Variants in HAUS2 observed in about 807,000 individuals in gnomAD.
The protein encoded by HAUS2 is HAUS augmin-like complex subunit 2.
A neutral mutation model predicts 21.6 loss-of-function variants in HAUS2; 20 were observed. The ratio of observed to expected loss-of-function variants is 0.93; its 90% CI spans 0.65 to 1.35. The LOEUF is 1.35. Ranked by LOEUF, HAUS2 falls within the 40% of genes most tolerant of loss-of-function variation. HAUS2 has a pLI of 0.00. For missense variants in HAUS2, 297 were observed against 280.7 expected (o/e 1.06, Z -0.42); for synonymous variants, 113 against 95.6 (o/e 1.18, Z -1.06).
intron 3 of HAUS2, among the ~76,000 whole-genome samples, 188 bp from the exon 4 acceptor site, chr15:42,561,082 C>T (rs750064965): frequency 1.3e-5 from 2 of 152,028 alleles, no homozygotes; most frequent in Non-Finnish European, 2.9e-5. Flanking sequence ...ATTAGATATA[C>T]AAAAACCGAC....
Position 42,567,035 on chromosome 15 carries a change from AAT to A in HAUS2, c.*221_*222del, listed in dbSNP as rs1362914010. The A allele has an allele frequency of 2.5e-6, 1 of 402,682 alleles. No individual in the cohort carries two copies. The highest frequency in any genetic ancestry group is 4.5e-6 in the Non-Finnish European group (1 of 224,362). 24.9% of individuals were successfully genotyped at this position (402,682 alleles called of 1,614,324 possible). A position where few individuals can be genotyped will look rare whatever the true frequency, so the allele number is the denominator to read the frequency against. ...TTCAGTAAAACTAGAGAAGCTAAAAAATAGCCATGACAATTTATTAATATAAG... is the reference window on the plus strand; with the variant it reads ...TTCAGTAAAACTAGAGAAGCTAAAAAAGCCATGACAATTTATTAATATAAG... On this transcript the variant is annotated 3_prime_UTR_variant, in exon 6 of 6. Coordinates refer to ENST00000260372, the MANE Select transcript of HAUS2 (RefSeq NM_018097.3).
Position 42,558,283 on chromosome 15 carries a change from T to A in HAUS2, c.179T>A (p.Ile60Asn), listed in dbSNP as rs1373350132. The change falls in exon 2 of 6, where the codon ATC becomes AAC. Residue 60 changes from isoleucine (I) to asparagine (N), a missense_variant. By Grantham distance (149) the Ile-to-Asn change is moderately radical. Transcript: ENST00000260372. ...LQQITNIQAE[I>N]YQKNLEIELL... ...CAGATCACAAATATTCAAGCTGAAA[T>A]CTACCAGGTAAATCATTTTGTTTTC... 8.4e-7 allele frequency: 1 copy of A among 1,187,324 alleles called. No individual in the cohort carries two copies. The highest frequency in any genetic ancestry group is 1.2e-6 in the Non-Finnish European group (1 of 810,746). 73.5% of individuals were successfully genotyped at this position (1,187,324 alleles called of 1,614,324 possible).
chr15:42,565,886 T>C (rs1434076964), intron 5 of HAUS2, among the ~76,000 whole-genome samples: 1 of 151,934 alleles, frequency 6.6e-6, no homozygotes, highest in East Asian at 1.9e-4. Context: ...TGAAGGTGAG[T>C]AGTATCAAGT....
intron 5 of HAUS2, among the ~76,000 whole-genome samples, chr15:42,566,063 G>A (rs139652031): frequency 1.3e-5 from 2 of 152,114 alleles, no homozygotes; most frequent in East Asian, 1.9e-4. Context: ...TTAGCTGGGC[G>A]TGGTGGCACG....
chr15:42,557,050 C>T (rs1197448943), intron 1 of HAUS2, among the ~76,000 whole-genome samples: 2 of 150,902 alleles, frequency 1.3e-5, no homozygotes, highest in Non-Finnish European at 2.9e-5. Context: ...GTCGGTGGCT[C>T]ACGCCTGTAA....
At position 42,554,600 on chromosome 15, in the gene HAUS2, C is replaced by T. The variant is rs1388338466; in HGVS notation, c.94-3598C>T. Among the ~76,000 whole-genome samples, 3 of 151,312 alleles carry T rather than the reference C, an allele frequency of 2.0e-5. No homozygotes were observed. In the East Asian group the frequency reaches 5.8e-4, roughly 29 times the overall value. ...CAGCCTCCTGGGCTCAAGTGATTCTCCCATCTCAGCCTCCCTAGTAGCTGG... is the reference window on the plus strand; with the variant it reads ...CAGCCTCCTGGGCTCAAGTGATTCTTCCATCTCAGCCTCCCTAGTAGCTGG... On this transcript the variant is annotated intron_variant, in intron 1 of 5. Coordinates refer to ENST00000260372, the MANE Select transcript of HAUS2 (RefSeq NM_018097.3).
At chr15:42,556,542 C>T (rs935379758) in intron 1 of HAUS2, among the ~76,000 whole-genome samples, 5 of 151,830 alleles carry the variant, frequency 3.3e-5, no homozygotes, top group Admixed American at 6.6e-5. Context: ...GGATTACGGG[C>T]ATGAGCCACT....
chr15:42,569,237 G>T lies in HAUS2; in HGVS notation c.*2421G>T, dbSNP rs1027754987. 1 of 149,742 alleles carries T rather than the reference G, an allele frequency of 6.7e-6. No individual in the cohort carries two copies. Among genetic ancestry groups the T allele is most frequent in the Non-Finnish European group, 1.5e-5 (1 of 67,270 alleles). 9.3% of individuals were successfully genotyped at this position (149,742 alleles called of 1,614,324 possible). ...GGCTTATTTTACTTTTAGACTTGGG[G>T]TTCTATTTTGCTTTAAAACATGTAC... On this transcript the variant is annotated 3_prime_UTR_variant, in exon 6 of 6. Coordinates refer to ENST00000260372, the MANE Select transcript of HAUS2 (RefSeq NM_018097.3).
chr15:42,555,371 TCTC>T (rs1219998728), intron 1 of HAUS2, among the ~76,000 whole-genome samples: 2 of 152,006 alleles, frequency 1.3e-5, no homozygotes, highest in African/African-American at 4.8e-5. Flanking sequence ...CTCAAGCAGT[TCTC>T]CTGCTTTAGC....
chr15:42,563,822 A>C lies in HAUS2; in HGVS notation c.463A>C (p.Asn155His), dbSNP rs1384523309. 1.3e-6 allele frequency: 2 copies of C among 1,556,458 alleles called. No individual in the cohort carries two copies. Among genetic ancestry groups the C allele is most frequent in the Admixed American group, 1.8e-5 (1 of 56,358 alleles). ...RLETHLETIR[N>H]IPHLAANLKK... is the part of the protein sequence containing the mutation. ...AGAAACCCACCTTGAAACAATTAGA[A>C]ATATTCCTCATTTAGCTGCAAATCT... The change falls in exon 5 of 6, where the codon AAT becomes CAT. Residue 155 changes from asparagine to histidine, a missense_variant. Physicochemically the swap from Asn to His is moderately conservative, Grantham distance 68. Transcript: ENST00000260372.
Position 42,559,416 on chromosome 15 carries a change from G to T in HAUS2, c.256+8G>T, listed in dbSNP as rs1398698789. The T allele has an allele frequency of 1.3e-6, 2 of 1,523,684 alleles. No individual in the cohort carries two copies. The highest frequency in any genetic ancestry group is 1.1e-5 in the South Asian group (1 of 89,214). The allele number at this position is 1,523,684 out of a possible 1,614,324, so 94.4% of individuals were successfully genotyped here. ...TTCATCCTTTCTTTTTGGGTAAGTGGTTTGGTTAAGTGGATAATCACTGGA... is the reference window on the plus strand; with the variant it reads ...TTCATCCTTTCTTTTTGGGTAAGTGTTTTGGTTAAGTGGATAATCACTGGA... On this transcript the variant is annotated splice_region_variant and intron_variant, in intron 3 of 5. Coordinates refer to ENST00000260372, the MANE Select transcript of HAUS2 (RefSeq NM_018097.3).
Position 42,568,098 on chromosome 15 carries a change from T to C in HAUS2, c.*1282T>C, listed in dbSNP as rs2057924126. 1 of 152,068 alleles carries C rather than the reference T, an allele frequency of 6.6e-6. No homozygotes were observed. Among genetic ancestry groups the C allele is most frequent in the Non-Finnish European group, 1.5e-5 (1 of 68,040 alleles). The allele number at this position is 152,068 out of a possible 1,614,324, so 9.4% of individuals were successfully genotyped here. ...TCTATGATGATTATTCCTGTGGGAA[T>C]GTCACTAAGTATGCAGAAAAGAGTA... On this transcript the variant is annotated 3_prime_UTR_variant, in exon 6 of 6. Coordinates refer to ENST00000260372, the MANE Select transcript of HAUS2 (RefSeq NM_018097.3).
In HAUS2 at chr15:42,560,386, TAGAGAGAGAG is replaced by T. The variant is rs146328893; in HGVS notation, c.257-868_257-859del. 1.2e-3 allele frequency among the ~76,000 whole-genome samples: 179 copies of T among 145,388 alleles called. 1 individual carries two copies. The highest frequency in any genetic ancestry group is 4.3e-3 in the African/African-American group (173 of 39,950). Reference sequence around the variant, plus strand: ...TACTCTAAAGTGGATCAGCAAAAATTAGAGAGAGAGAGAGAGAGAGAGAGAAGAGAGAGAA... The same window carrying T: ...TACTCTAAAGTGGATCAGCAAAAATTAGAGAGAGAGAGAGAAGAGAGAGAA... On this transcript the variant is annotated intron_variant, in intron 3 of 5. Transcript: ENST00000260372.
chr15:42,557,913 A>G (rs2057804188), intron 1 of HAUS2, among the ~76,000 whole-genome samples: 2 of 152,158 alleles, frequency 1.3e-5, no homozygotes, highest in Admixed American at 6.6e-5. Context: ...TTGATAAACT[A>G]TCAGTAATAC....
chr15:42,564,042 G>T (rs1201014898), intron 5 of HAUS2, among the ~76,000 whole-genome samples, 185 bp downstream of exon 5: 2 of 152,060 alleles, frequency 1.3e-5, no homozygotes, highest in African/African-American at 4.8e-5. Context: ...ACAACGGGTG[G>T]ATCACTTGAG....
At chr15:42,551,421 A>G (rs540272686) in intron 1 of HAUS2, among the ~76,000 whole-genome samples, 1 of 151,988 alleles carries the variant, frequency 6.6e-6, no homozygotes, top group African/African-American at 2.4e-5. Flanking sequence ...CGGGTGGATC[A>G]CCTGAGGTCA....
In HAUS2 at chr15:42,560,017, T is replaced by C. The variant is rs1028728439; in HGVS notation, c.256+609T>C. On this transcript the variant is annotated intron_variant, in intron 3 of 5. Coordinates refer to ENST00000260372, the MANE Select transcript of HAUS2 (RefSeq NM_018097.3). The stretch of plus-strand genomic sequence containing the variant: ...AAAAAAATACAAAAACTAGCCAGCA[T>C]TGTAGCATGTACCTGTAGTGCCAGT... Among the ~76,000 whole-genome samples the C allele has an allele frequency of 5.3e-5, 8 of 152,114 alleles. No homozygotes were observed. In the South Asian group the frequency reaches 6.2e-4, roughly 12 times the overall value.
chr15:42,559,851 A>C (rs1247592200), intron 3 of HAUS2, among the ~76,000 whole-genome samples: 1 of 152,116 alleles, frequency 6.6e-6, no homozygotes. Context: ...CAATGTTTTG[A>C]ATATTTGATG....
At chr15:42,558,112 A>G (rs557023698) in intron 1 of HAUS2, 86 bp from the exon 2 acceptor site, 5 of 655,582 alleles carry the variant, frequency 7.6e-6, no homozygotes, top group South Asian at 5.4e-5. Flanking sequence ...ATATTTTCTC[A>G]TATTTTAGAC....
Sources: gnomAD v4.1 joint callset for allele counts (sites outside exome capture counted in the v4.1 genomes callset) on GRCh38, gnomAD v4.1.1 for gene constraint, MANE v1.5 for transcripts, NCBI Gene and HGNC (gene_info 2026-07-23, HGNC 2026-07-21) for gene names.